BTBD16: variants seen among roughly 807,000 people sequenced by gnomAD.
The protein encoded by BTBD16 is BTB/POZ domain-containing protein 16.
In BTBD16, 66 loss-of-function variants were observed where a neutral mutation model predicts 67.4. The observed-to-expected ratio is 0.98, with a 90% CI of 0.80 to 1.20. BTBD16 has a LOEUF of 1.20. BTBD16 is among the 50% of genes most tolerant of loss of function. The pLI is 0.00. For missense variants in BTBD16, 634 were observed against 616.0 expected, an observed-to-expected ratio of 1.03 and a Z score of -0.31; for synonymous variants, 242 against 236.4, an observed-to-expected ratio of 1.02 and a Z score of -0.22.
intron 3 of BTBD16, 42 bp from the exon 4 acceptor site, chr10:122,283,809 C>T (rs1229045748): frequency 6.8e-7 from 1 of 1,478,104 alleles, no homozygotes; most frequent in Non-Finnish European, 9.5e-7. Context: ...AGAAAAATGT[C>T]AGTATTAACT....
chr10:122,331,410 T>C (rs992790213), intron 12 of BTBD16, 152 bp downstream of exon 12: 1 of 1,214,420 alleles, frequency 8.2e-7, no homozygotes, highest in South Asian at 2.0e-5. Context: ...GGGAGAGCAG[T>C]GCCTGGGAAG....
chr10:122,311,524 A>T (rs1477395242), intron 10 of BTBD16, among the ~76,000 whole-genome samples: 10 of 152,252 alleles, frequency 6.6e-5, no homozygotes. Flanking sequence ...TGTTGCCTTC[A>T]TCTATGAAGG....
intron 3 of BTBD16, among the ~76,000 whole-genome samples, chr10:122,277,959 C>T (rs1361770767): frequency 1.3e-5 from 2 of 152,150 alleles, no homozygotes; most frequent in East Asian, 3.9e-4. Context: ...AGCTCACAGC[C>T]AAATCAAAGT....
At chr10:122,312,429 C>T (rs2096415718) in intron 10 of BTBD16, among the ~76,000 whole-genome samples, 1 of 151,146 alleles carries the variant, frequency 6.6e-6, no homozygotes, top group African/African-American at 2.4e-5. Flanking sequence ...TCTCCTGCCT[C>T]AGCCTCCTGA....
chr10:122,328,729 T>A, intron 10 of BTBD16: 1 of 984,792 alleles, frequency 1.0e-6, no homozygotes, highest in Non-Finnish European at 1.2e-6. Context: ...TCCCCATTTA[T>A]GAAAAGTGAC....
chr10:122,296,315 C>G (rs1341828803), intron 7 of BTBD16, among the ~76,000 whole-genome samples: 1 of 152,128 alleles, frequency 6.6e-6, no homozygotes, highest in East Asian at 1.9e-4. Context: ...AAATGCAACT[C>G]AGTAAAAGCT....
intron 5 of BTBD16, 67 bp downstream of exon 5, chr10:122,286,315 A>C: frequency 1.3e-6 from 2 of 1,528,018 alleles, no homozygotes; most frequent in African/African-American, 2.8e-5. Context: ...CCAGCTTGGA[A>C]CATGGTTATC....
At chr10:122,287,271 A>G (rs979042370) in intron 5 of BTBD16, 1 of 243,388 alleles carries the variant, frequency 4.1e-6, no homozygotes, top group Non-Finnish European at 6.6e-6. Context: ...CCTGTACCCA[A>G]GTCAAAACAT....
At chr10:122,316,006 C>T (rs2142107800) in intron 10 of BTBD16, among the ~76,000 whole-genome samples, 1 of 152,298 alleles carries the variant, frequency 6.6e-6, no homozygotes, top group East Asian at 1.9e-4. Flanking sequence ...GTGGCTCATG[C>T]CTGTAATCCC....
At chr10:122,327,154 T>C (rs2096446522) in intron 10 of BTBD16, among the ~76,000 whole-genome samples, 1 of 152,164 alleles carries the variant, frequency 6.6e-6, no homozygotes, top group African/African-American at 2.4e-5. Flanking sequence ...AGAGCCGGGT[T>C]ATATTGATCA....
At position 122,331,163 on chromosome 10, in the gene BTBD16, C is replaced by A; in HGVS notation, c.1004-13C>A. On this transcript the variant is annotated splice_polypyrimidine_tract_variant and intron_variant, in intron 11 of 15. Coordinates refer to ENST00000260723, the MANE Select transcript of BTBD16 (RefSeq NM_144587.5). ...ATAAAACTAAAAAACATTCTCTTTG[C>A]GTTTCTTCCCAGGCAAGGATCTGGA... 1.2e-6 allele frequency: 2 copies of A among 1,606,332 alleles called. No individual in the cohort carries two copies. Among genetic ancestry groups the A allele is most frequent in the East Asian group, 2.2e-5 (1 of 44,658 alleles).
chr10:122,299,266 C>T (rs565868147), intron 9 of BTBD16, 132 bp downstream of exon 9: 11 of 1,164,720 alleles, frequency 9.4e-6, no homozygotes, highest in African/African-American at 1.6e-5. Context: ...GACAGCTGAG[C>T]CTTGGCTGGG....
chr10:122,289,449 C>T (rs577531208), intron 5 of BTBD16, among the ~76,000 whole-genome samples: 4 of 152,192 alleles, frequency 2.6e-5, no homozygotes, highest in Non-Finnish European at 4.4e-5. Context: ...TTTAAAAATG[C>T]GTCTATAGGC....
At chr10:122,334,168 T>C (rs1190640687) in intron 13 of BTBD16, among the ~76,000 whole-genome samples, 2 of 151,506 alleles carry the variant, frequency 1.3e-5, no homozygotes, top group Non-Finnish European at 2.9e-5. Flanking sequence ...ATTGTTGCTA[T>C]ACTTTGTTTT....
chr10:122,272,678 T>TACAC (rs112265160), intron 1 of BTBD16, among the ~76,000 whole-genome samples: 6,148 of 147,626 alleles, frequency 0.042, 384 homozygotes, highest in African/African-American at 0.14. Context: ...GCAAAGGAAA[T>TACAC]ACACACACAC....
At chr10:122,299,161 C>G in intron 9 of BTBD16, 27 bp downstream of exon 9, 1 of 1,610,644 alleles carries the variant, frequency 6.2e-7, no homozygotes, top group Non-Finnish European at 8.5e-7. Flanking sequence ...AGGGTGCGGC[C>G]CCTGAGAGGG....
chr10:122,309,949 T>G (rs1352687893), intron 10 of BTBD16, among the ~76,000 whole-genome samples: 1 of 151,298 alleles, frequency 6.6e-6, no homozygotes, highest in Admixed American at 6.6e-5. Flanking sequence ...TTTTTGTATT[T>G]TTAGTAGGGG....
intron 13 of BTBD16, among the ~76,000 whole-genome samples, chr10:122,334,156 T>C (rs2096459230): frequency 1.3e-5 from 2 of 152,008 alleles, no homozygotes; most frequent in Non-Finnish European, 2.9e-5. Flanking sequence ...GTGACGGTTG[T>C]TATTGTTGCT....
chr10:122,322,872 C>A (rs920538857), intron 10 of BTBD16, among the ~76,000 whole-genome samples: 1 of 152,104 alleles, frequency 6.6e-6, no homozygotes, highest in Non-Finnish European at 1.5e-5. Context: ...TCTCTGGGCT[C>A]CATAGTATTG....
Sources: gnomAD v4.1 joint callset for allele counts (sites outside exome capture counted in the v4.1 genomes callset) on GRCh38, gnomAD v4.1.1 for gene constraint, MANE v1.5 for transcripts, NCBI Gene and HGNC (gene_info 2026-07-23, HGNC 2026-07-21) for gene names.